The following DLGAP2 variants were observed in gnomAD, a reference collection of about 807,000 sequenced individuals.
The protein encoded by DLGAP2 is DLG associated protein 2.
DLGAP2 carries 26 observed loss-of-function variants against 100.3 expected under a neutral mutation model. The observed-to-expected ratio is 0.26, with a 90% CI of 0.19 to 0.36. The LOEUF is 0.36. DLGAP2 is among the 10% of genes least tolerant of loss of function. The probability of loss-of-function intolerance (pLI) is 1.00; values close to 1 mark genes in which losing one functional copy is unlikely to be tolerated. For synonymous variants in DLGAP2, 886 were observed against 630.1 expected, an observed-to-expected ratio of 1.41 and a Z score of -6.08; for missense variants, 1,858 against 1,453.2, an observed-to-expected ratio of 1.28 and a Z score of -4.53.
intron 3 of DLGAP2, among the ~76,000 whole-genome samples, chr8:1,358,462 C>T (rs948338361): frequency 6.6e-6 from 1 of 152,144 alleles, no homozygotes; most frequent in Non-Finnish European, 1.5e-5. Context: ...TCTCCACACT[C>T]ACAGACGTAA....
chr8:1,410,267 A>G (rs966244892), intron 3 of DLGAP2, among the ~76,000 whole-genome samples: 4 of 152,186 alleles, frequency 2.6e-5, no homozygotes, highest in African/African-American at 7.2e-5. Context: ...GGCACTGGCA[A>G]TGAGGATACC....
At position 1,641,921 on chromosome 8, in the gene DLGAP2, ACCTGTGTCACCCTCGAC is replaced by A. The variant is rs1563275346; in HGVS notation, c.1810+8878_1810+8894del. Among the ~76,000 whole-genome samples the A allele has an allele frequency of 3.6e-4, 45 of 125,086 alleles. 1 individual carries two copies. The highest frequency in any genetic ancestry group is 1.1e-3 in the South Asian group (4 of 3,650). 82.1% of individuals were successfully genotyped at this position (125,086 alleles called of 152,430 possible). On this transcript the variant is annotated intron_variant, in intron 8 of 14. Coordinates refer to ENST00000637795, the MANE Select transcript of DLGAP2 (RefSeq NM_001346810.2). ...GTCACCCTCGACCCCGCCGGCCCTC[ACCTGTGTCACCCTCGAC>A]CCCGCCGGTCCTCACCTGTGTCACC...
chr8:1,164,235 A>AGGGCCCGTCGTTTTGGTTTGTGGG (rs1796961243), intron 2 of DLGAP2, among the ~76,000 whole-genome samples: 1 of 90,938 alleles, frequency 1.1e-5, no homozygotes, highest in African/African-American at 4.8e-5. Flanking sequence ...TTGTGGGGAC[A>AGGGCCCGTCGTTTTGGTTTGTGGG]GATTTTTCTG....
At chr8:908,598 A>G (rs931928355) in intron 2 of DLGAP2, among the ~76,000 whole-genome samples, 1 of 152,216 alleles carries the variant, frequency 6.6e-6, no homozygotes, top group Non-Finnish European at 1.5e-5. Context: ...CTTCGTTATC[A>G]TTACAATTAA....
intron 2 of DLGAP2, among the ~76,000 whole-genome samples, chr8:1,086,922 A>C (rs1803991660): frequency 6.6e-6 from 1 of 152,234 alleles, no homozygotes; most frequent in East Asian, 1.9e-4. Context: ...TAATAAATAC[A>C]GAACATTGCC....
chr8:860,679 G>T (rs528885430), intron 1 of DLGAP2, among the ~76,000 whole-genome samples: 2 of 152,282 alleles, frequency 1.3e-5, no homozygotes, highest in East Asian at 3.9e-4. Context: ...ATGTAAAGAT[G>T]ATAAATGTCC....
At chr8:1,535,742 C>T (rs1801134318) in intron 4 of DLGAP2, among the ~76,000 whole-genome samples, 1 of 152,256 alleles carries the variant, frequency 6.6e-6, no homozygotes, top group Non-Finnish European at 1.5e-5. Flanking sequence ...GAGCTCTGAG[C>T]AGAATTCTCA....
At chr8:1,565,403 C>G (rs1168619911) in intron 5 of DLGAP2, 2 of 351,534 alleles carry the variant, frequency 5.7e-6, no homozygotes, top group African/African-American at 4.2e-5. Flanking sequence ...GTGCTTTGTC[C>G]CAGCTGCTGA....
At chr8:1,072,838 C>T (rs930416939) in intron 2 of DLGAP2, among the ~76,000 whole-genome samples, 4 of 152,248 alleles carry the variant, frequency 2.6e-5, no homozygotes, top group Admixed American at 6.5e-5. Flanking sequence ...TGGGGCTCCA[C>T]TGCCGGGAAG....
intron 6 of DLGAP2, among the ~76,000 whole-genome samples, chr8:1,605,291 C>T (rs1343610139): frequency 6.6e-6 from 1 of 152,116 alleles, no homozygotes; most frequent in African/African-American, 2.4e-5. Context: ...GGGGAGTGGA[C>T]CAATTTGAGC....
chr8:830,449 C>T (rs1394992495), intron 1 of DLGAP2, among the ~76,000 whole-genome samples: 1 of 152,158 alleles, frequency 6.6e-6, no homozygotes, highest in South Asian at 2.1e-4. Context: ...ACTTCCAAGC[C>T]CCATGACCCT....
chr8:1,439,522 A>G lies in DLGAP2; in HGVS notation c.107-61844A>G, dbSNP rs1231423655. The stretch of plus-strand genomic sequence containing the variant: ...CTGTCATCAGAGGCCCACAGTGGCT[A>G]TGTTGCTGAGCTGAGATCCTAACGT... On this transcript the variant is annotated intron_variant, in intron 3 of 14. Transcript: ENST00000637795. Among the ~76,000 whole-genome samples the G allele has an allele frequency of 4.6e-5, 7 of 152,288 alleles. No individual in the cohort carries two copies. In the South Asian group the frequency reaches 1.2e-3, roughly 27 times the overall value.
chr8:1,211,409 A>G (rs748727521), intron 2 of DLGAP2, among the ~76,000 whole-genome samples: 1 of 152,226 alleles, frequency 6.6e-6, no homozygotes, highest in Non-Finnish European at 1.5e-5. Flanking sequence ...GGTGCAGCAA[A>G]AAGGATTTCG....
chr8:1,216,873 G>A (rs965280942), intron 2 of DLGAP2, among the ~76,000 whole-genome samples: 2 of 152,074 alleles, frequency 1.3e-5, no homozygotes, highest in African/African-American at 2.4e-5. Flanking sequence ...TACAAATCAA[G>A]GTAAATATGA....
chr8:1,348,489 T>TTA (rs2117099775), intron 3 of DLGAP2, among the ~76,000 whole-genome samples: 1 of 25,514 alleles, frequency 3.9e-5, no homozygotes, highest in Admixed American at 5.0e-4. Flanking sequence ...TGAGTTCCCA[T>TTA]ACAGAGCTAC....
intron 1 of DLGAP2, among the ~76,000 whole-genome samples, chr8:783,820 G>C (rs1271816583): frequency 6.6e-6 from 1 of 152,180 alleles, no homozygotes; most frequent in Non-Finnish European, 1.5e-5. Flanking sequence ...TGGGGTATCT[G>C]TCTCACTGCT....
chr8:957,162 G>A lies in DLGAP2; in HGVS notation c.73+49196G>A, dbSNP rs571959911. ...GGGAATGAGGCCTTTAGCTGGCTTC[G>A]GAGAGAGTCCTGGACCTGGCATAGG... On this transcript the variant is annotated intron_variant, in intron 2 of 14. Coordinates refer to ENST00000637795, the MANE Select transcript of DLGAP2 (RefSeq NM_001346810.2). Among the ~76,000 whole-genome samples the A allele has an allele frequency of 9.2e-5, 14 of 152,356 alleles. No individual in the cohort carries two copies. In the South Asian group the frequency reaches 1.2e-3, roughly 14 times the overall value.
intron 3 of DLGAP2, among the ~76,000 whole-genome samples, chr8:1,326,277 A>G (rs1279113881): frequency 6.6e-6 from 1 of 152,254 alleles, no homozygotes; most frequent in Non-Finnish European, 1.5e-5. Flanking sequence ...GTGAAATTAG[A>G]CAATCTGTAT....
At chr8:1,665,568 T>C (rs1337099209) in intron 8 of DLGAP2, among the ~76,000 whole-genome samples, 1 of 152,220 alleles carries the variant, frequency 6.6e-6, no homozygotes, top group Non-Finnish European at 1.5e-5. Context: ...TTTTAATCTA[T>C]ATTCCCGCGT....
Sources: allele counts gnomAD v4.1 joint callset (sites outside exome capture counted in the v4.1 genomes callset), GRCh38; gene constraint gnomAD v4.1.1; transcripts MANE v1.5; gene names NCBI Gene and HGNC (gene_info 2026-07-23, HGNC 2026-07-21).